The following DAB1 variants were observed in gnomAD, a reference collection of about 807,000 sequenced individuals.
DAB1 encodes the protein disabled homolog 1.
A neutral mutation model predicts 64.6 loss-of-function variants in DAB1; 15 were observed. The ratio of observed to expected loss-of-function variants is 0.23; its 90% CI spans 0.16 to 0.36. DAB1 has a LOEUF of 0.36. DAB1 is among the 10% of genes least tolerant of loss of function. The pLI, the probability that DAB1 is intolerant of heterozygous loss-of-function variation, is 1.00. For missense variants in DAB1, 596 were observed against 706.7 expected (o/e 0.84, Z 1.78); for synonymous variants, 235 against 251.9 (o/e 0.93, Z 0.64).
intron 10 of DAB1, among the ~76,000 whole-genome samples, chr1:57,024,168 GC>G (rs201887034): frequency 6.6e-6 from 1 of 151,540 alleles, no homozygotes; most frequent in East Asian, 1.9e-4. Context: ...GTATCCTGGT[GC>G]CCCCCCGCCA....
intron 14 of DAB1, among the ~76,000 whole-genome samples, chr1:57,009,650 C>A (rs1415734672): frequency 6.6e-6 from 1 of 151,992 alleles, no homozygotes. Flanking sequence ...AAAAAAGGAG[C>A]CTTTTGGGAA....
chr1:57,872,257 G>C (rs1208998412), intron 1 of DAB1, among the ~76,000 whole-genome samples: 1 of 152,150 alleles, frequency 6.6e-6, no homozygotes, highest in East Asian at 1.9e-4. Flanking sequence ...GGTATTAAGA[G>C]GCAGGGACTT....
chr1:57,423,169 GCT>G (rs35413219), intron 1 of DAB1, among the ~76,000 whole-genome samples: 6,574 of 151,014 alleles, frequency 0.044, 158 homozygotes, highest in South Asian at 0.084. Flanking sequence ...AAAAAACTGA[GCT>G]CTCTGCATCC....
intron 2 of DAB1, among the ~76,000 whole-genome samples, chr1:57,241,937 A>G (rs1668524446): frequency 6.6e-6 from 1 of 152,138 alleles, no homozygotes; most frequent in African/African-American, 2.4e-5. Context: ...TATGAATACT[A>G]CTTGTCAGTG....
chr1:58,395,119 T>C (rs7534690), intron 3 of DAB1, among the ~76,000 whole-genome samples: 28,301 of 152,074 alleles, frequency 0.19, 2,812 homozygotes, highest in East Asian at 0.33. Flanking sequence ...TGAGAGGCCC[T>C]GTTTGCCTCT....
chr1:58,062,779 A>T (rs1236026452), intron 5 of DAB1, among the ~76,000 whole-genome samples: 1 of 152,206 alleles, frequency 6.6e-6, no homozygotes, highest in Non-Finnish European at 1.5e-5. Context: ...TAGATACTAC[A>T]CACCATGCTC....
chr1:57,306,515 T>C (rs1240203251), intron 1 of DAB1, among the ~76,000 whole-genome samples: 1 of 122,410 alleles, frequency 8.2e-6, no homozygotes, highest in Admixed American at 7.6e-5. Flanking sequence ...AGAACAGGCT[T>C]TTTTTTTTTT....
In DAB1 at chr1:57,739,034, C is replaced by T. The variant is rs969636620; in HGVS notation, n.552-89369G>A. Among the ~76,000 whole-genome samples the T allele has an allele frequency of 4.6e-5, 7 of 152,308 alleles. No homozygotes were observed. In the East Asian group the frequency reaches 5.8e-4, roughly 13 times the overall value. ...CATCATCACCTTTCAGGTTTTATAG[C>T]GCTGTCTCCTGAGCAGGATGGCTAG... On this transcript the variant is annotated intron_variant and non_coding_transcript_variant, in intron 6 of 20. Coordinates refer to the DAB1 transcript ENST00000485760.
chr1:57,660,097 A>C (rs1231704491), intron 6 of DAB1, among the ~76,000 whole-genome samples: 1 of 152,142 alleles, frequency 6.6e-6, no homozygotes, highest in African/African-American at 2.4e-5. Context: ...AAATCTGAGA[A>C]TGCATTACAA....
At chr1:58,384,105 C>T (rs991742416) in intron 3 of DAB1, among the ~76,000 whole-genome samples, 1 of 151,450 alleles carries the variant, frequency 6.6e-6, no homozygotes, top group African/African-American at 2.4e-5. Flanking sequence ...AATAATATCT[C>T]ATTGTGGTTT....
intron 5 of DAB1, among the ~76,000 whole-genome samples, chr1:57,973,915 T>G (rs534125214): frequency 1.3e-5 from 2 of 152,262 alleles, no homozygotes; most frequent in African/African-American, 4.8e-5. Context: ...TTCACTCTCT[T>G]ACCATAGACC....
At chr1:57,418,151 T>G (rs957299328) in intron 1 of DAB1, among the ~76,000 whole-genome samples, 1 of 152,182 alleles carries the variant, frequency 6.6e-6, no homozygotes, top group African/African-American at 2.4e-5. Flanking sequence ...AAGCACAAAG[T>G]AGGTGCTCAG....
intron 6 of DAB1, among the ~76,000 whole-genome samples, chr1:57,708,841 T>A (rs748112000): frequency 1.3e-5 from 2 of 151,992 alleles, no homozygotes; most frequent in Non-Finnish European, 2.9e-5. Context: ...GTCTTTCCTA[T>A]CCTCTTCAAT....
chr1:57,889,387 T>C (rs1644273131), intron 5 of DAB1, among the ~76,000 whole-genome samples: 1 of 152,268 alleles, frequency 6.6e-6, no homozygotes, highest in Admixed American at 6.5e-5. Flanking sequence ...AGTCAGTGTG[T>C]TCCAATAGCT....
chr1:57,788,080 A>C (rs763550262), intron 6 of DAB1, among the ~76,000 whole-genome samples: 5 of 152,212 alleles, frequency 3.3e-5, no homozygotes, highest in Non-Finnish European at 7.3e-5. Flanking sequence ...TAAATGTTAC[A>C]ATCCCTTGGG....
At chr1:57,954,093 C>T (rs1645335742) in intron 5 of DAB1, among the ~76,000 whole-genome samples, 1 of 152,156 alleles carries the variant, frequency 6.6e-6, no homozygotes, top group Non-Finnish European at 1.5e-5. Context: ...ATCCTCTTCT[C>T]TATGTGCTTC....
At chr1:58,248,122 A>G (rs1269046475) in intron 4 of DAB1, among the ~76,000 whole-genome samples, 2 of 152,122 alleles carry the variant, frequency 1.3e-5, no homozygotes, top group African/African-American at 4.8e-5. Context: ...GAGAGTGCTG[A>G]ATGGTGGCCA....
At chr1:57,004,177 G>A (rs1645977281) in intron 14 of DAB1, among the ~76,000 whole-genome samples, 2 of 152,256 alleles carry the variant, frequency 1.3e-5, no homozygotes, top group South Asian at 4.1e-4. Context: ...GAGCAGCTCA[G>A]GGTTCAGACT....
At chr1:57,869,980 T>C (rs933366192) in intron 1 of DAB1, among the ~76,000 whole-genome samples, 3 of 152,244 alleles carry the variant, frequency 2.0e-5, no homozygotes, top group South Asian at 2.1e-4. Context: ...TCCCGGACTA[T>C]GTCAAACTCT....
Sources: gnomAD v4.1 joint callset for allele counts (sites outside exome capture counted in the v4.1 genomes callset) on GRCh38, gnomAD v4.1.1 for gene constraint, MANE v1.5 for transcripts, NCBI Gene and HGNC (gene_info 2026-07-23, HGNC 2026-07-21) for gene names.